Variants in CAPN14 observed in about 807,000 individuals in gnomAD.
The protein encoded by CAPN14 is calpain-14.
CAPN14 carries 94 observed loss-of-function variants against 101.3 expected under a neutral mutation model. The ratio of observed to expected loss-of-function variants is 0.93; its 90% CI spans 0.79 to 1.10. The LOEUF (loss-of-function observed/expected upper bound fraction) is 1.10. Ranked by LOEUF, CAPN14 falls within the 50% of genes least tolerant of loss-of-function variation. CAPN14 has a pLI of 0.00. For synonymous variants in CAPN14, 338 were observed against 317.9 expected (o/e 1.06, Z -0.67); for missense variants, 837 against 828.4 (o/e 1.01, Z -0.13).
rs1680571326 is a variant in CAPN14 at position 31,181,094 on chromosome 2, G to A, written c.1646-94C>T. Reference sequence around the variant, plus strand: ...AGAGGCAGTGCTGCATGGGCCAGCTGATGACCACCATGTATGTACGTGGGC... The same window carrying A: ...AGAGGCAGTGCTGCATGGGCCAGCTAATGACCACCATGTATGTACGTGGGC... On this transcript the variant is annotated intron_variant, in intron 16 of 21. Coordinates refer to ENST00000403897, the MANE Select transcript of CAPN14 (RefSeq NM_001145122.2). 10 of 934,298 alleles carry A rather than the reference G, an allele frequency of 1.1e-5. 1 individual carries two copies. The South Asian group carries it at 1.5e-4, about 14-fold the overall frequency. The allele number at this position is 934,298 out of a possible 1,614,324, so 57.9% of individuals were successfully genotyped here.
chr2:31,212,316 A>AC (rs1682442512), intron 1 of CAPN14, among the ~76,000 whole-genome samples: 1 of 140,454 alleles, frequency 7.1e-6, no homozygotes, highest in African/African-American at 2.6e-5. Context: ...TCAAAACAAA[A>AC]AAAAAAAAAA....
chr2:31,226,276 A>G (rs377012232), intron 2 of CAPN14, among the ~76,000 whole-genome samples: 1 of 152,130 alleles, frequency 6.6e-6, no homozygotes, highest in Admixed American at 6.5e-5. Flanking sequence ...TTCTGCCTTT[A>G]TCAGGTTCTC....
At chr2:31,213,811 T>C (rs1029271079) in intron 1 of CAPN14, among the ~76,000 whole-genome samples, 14 of 152,240 alleles carry the variant, frequency 9.2e-5, no homozygotes, top group Admixed American at 5.9e-4. Context: ...TGGGCAGTTT[T>C]CAGGTGGTTC....
At chr2:31,192,239 C>T in intron 10 of CAPN14, 141 bp from the exon 11 acceptor site, 1 of 997,116 alleles carries the variant, frequency 1.0e-6, no homozygotes, top group Non-Finnish European at 1.4e-6. Flanking sequence ...GTCGGGGTCC[C>T]TTCAACCTTG....
chr2:31,203,512 T>C (rs1028366858), intron 2 of CAPN14, among the ~76,000 whole-genome samples: 5 of 152,232 alleles, frequency 3.3e-5, no homozygotes, highest in Admixed American at 2.6e-4. Flanking sequence ...TTCTTATTCC[T>C]GACCCCTAAT....
rs1680157925 is a variant in CAPN14, at chr2:31,173,670, G to C, written c.*1011C>G. On this transcript the variant is annotated 3_prime_UTR_variant, in exon 22 of 22. Coordinates refer to ENST00000403897, the MANE Select transcript of CAPN14 (RefSeq NM_001145122.2). ...AAATTTTAGATTTTGGAGTATTTCA[G>C]ATTTGGGGTTTTCAGATTTGGGATG... is the stretch of plus-strand genomic sequence containing the variant. 6.6e-6 allele frequency: 1 copy of C among 152,110 alleles called. No individual in the cohort carries two copies. Among genetic ancestry groups the C allele is most frequent in the African/African-American group, 2.4e-5 (1 of 41,408 alleles). The allele number at this position is 152,110 out of a possible 1,614,324, so 9.4% of individuals were successfully genotyped here. A position where few individuals can be genotyped will look rare whatever the true frequency, so the allele number is the denominator to read the frequency against.
In CAPN14 at chr2:31,177,814, A is replaced by T. The variant is rs1343669579; in HGVS notation, c.1787T>A (p.Phe596Tyr). Residue 596 changes from phenylalanine (F) to tyrosine (Y), a missense_variant, in exon 19 of 22, where the codon TTC (phenylalanine) becomes TAC (tyrosine). Phe to Tyr is a conservative substitution (Grantham distance 22). Transcript: ENST00000403897. ...TCCTGACCCACGGTCTTGCTTGTGGAAAACCTTCTGCAAAGAACCAAATAA... is the reference window on the plus strand; with the variant it reads ...TCCTGACCCACGGTCTTGCTTGTGGTAAACCTTCTGCAAAGAACCAAATAA... ...WKQLKLSQKV[F>Y]HKQDRGSGYL... 41 of 1,551,740 alleles carry T rather than the reference A, an allele frequency of 2.6e-5. No homozygotes were observed. Among genetic ancestry groups the T allele is most frequent in the Non-Finnish European group, 3.5e-5 (40 of 1,146,978 alleles).
At chr2:31,202,466 G>A (rs558320332) in intron 3 of CAPN14, among the ~76,000 whole-genome samples, 2 of 152,194 alleles carry the variant, frequency 1.3e-5, no homozygotes, top group South Asian at 2.1e-4. Context: ...CCATGTTCCT[G>A]GGCCAGATTT....
In CAPN14 at chr2:31,177,050, T is replaced by G; in HGVS notation, c.1948A>C (p.Met650Leu). Residue 650 changes from methionine to leucine, a missense_variant, in exon 20 of 22, where the codon ATG (methionine) becomes CTG (leucine). Coordinates refer to ENST00000403897, the MANE Select transcript of CAPN14 (RefSeq NM_001145122.2). ...CCCTCCATGTTCTCTACACGCAGCA[T>G]CAAGTGGATGAAACTGACAAAGTCC... is the stretch of plus-strand genomic sequence containing the variant. Reference protein sequence around the residue: ...QMDFVSFIHLMLRVENMEDVF... With the variant: ...QMDFVSFIHLLLRVENMEDVF... 6.4e-7 allele frequency: 1 copy of G among 1,551,430 alleles called. No homozygotes were observed.
chr2:31,212,938 T>C lies in CAPN14; in HGVS notation c.-53+4518A>G, dbSNP rs577337302. On this transcript the variant is annotated intron_variant, in intron 1 of 21. Transcript: ENST00000403897. ...ACCCACTAAGTTGTCTCAGGCAAAA[T>C]TGTAGTAGAAACCTAGGCTCTTTGT... Among the ~76,000 whole-genome samples the C allele has an allele frequency of 5.9e-5, 9 of 152,306 alleles. 1 individual carries two copies. The highest frequency in any genetic ancestry group is 4.1e-4 in the South Asian group (2 of 4,824).
At chr2:31,179,060 CTATATATATA>C (rs60701103) in intron 17 of CAPN14, among the ~76,000 whole-genome samples, 5 of 69,202 alleles carry the variant, frequency 7.2e-5, no homozygotes, top group East Asian at 6.5e-4. Flanking sequence ...TTATTGAGTT[CTATATATATA>C]TATATATATA....
intron 1 of CAPN14, among the ~76,000 whole-genome samples, chr2:31,206,452 C>G (rs1464173725): frequency 6.6e-6 from 1 of 152,174 alleles, no homozygotes; most frequent in African/African-American, 2.4e-5. Context: ...GGGGTTTCGC[C>G]ATGTTGGCCA....
In CAPN14 at chr2:31,173,066, A is replaced by G. The variant is rs148360771; in HGVS notation, c.*1615T>C. 4.9e-4 allele frequency: 74 copies of G among 152,352 alleles called. No individual in the cohort carries two copies. The highest frequency in any genetic ancestry group is 1.8e-3 in the African/African-American group (73 of 41,588). The allele number at this position is 152,352 out of a possible 1,614,324, so 9.4% of individuals were successfully genotyped here. On this transcript the variant is annotated 3_prime_UTR_variant, in exon 22 of 22. Coordinates refer to ENST00000403897, the MANE Select transcript of CAPN14 (RefSeq NM_001145122.2). ...ATCTCCAAAACTGCCTTCAGGGGCC[A>G]AGGCAAAATTGGTTTATTAAAACAG...
At chr2:31,232,302 T>G (rs1015064958) in intron 1 of CAPN14, among the ~76,000 whole-genome samples, 5 of 152,170 alleles carry the variant, frequency 3.3e-5, no homozygotes, top group Non-Finnish European at 5.9e-5. Context: ...ATGTCCTCTT[T>G]TTTTTATCAC....
rs1680162148 is a variant in CAPN14 at position 31,173,798 on chromosome 2, T to A, written c.*883A>T. 6.6e-6 allele frequency: 1 copy of A among 152,140 alleles called. No homozygotes were observed. Among genetic ancestry groups the A allele is most frequent in the Admixed American group, 6.5e-5 (1 of 15,276 alleles). 9.4% of individuals were successfully genotyped at this position (152,140 alleles called of 1,614,324 possible). ...TCTGGTTTTGCACCTGTATTCTTGG[T>A]TGAGAGGGATGACATAAACAAGGTG... On this transcript the variant is annotated 3_prime_UTR_variant, in exon 22 of 22. Coordinates refer to ENST00000403897, the MANE Select transcript of CAPN14 (RefSeq NM_001145122.2).
Position 31,186,289 on chromosome 2 carries a change from C to T in CAPN14, c.1645+139G>A, listed in dbSNP as rs554740960. 1.3e-3 allele frequency: 649 copies of T among 483,730 alleles called. 3 individuals are homozygous for T. The highest frequency in any genetic ancestry group is 1.9e-3 in the Non-Finnish European group (530 of 274,394). The allele number at this position is 483,730 out of a possible 1,614,324, so 30.0% of individuals were successfully genotyped here. On this transcript the variant is annotated intron_variant, in intron 16 of 21. Coordinates refer to ENST00000403897, the MANE Select transcript of CAPN14 (RefSeq NM_001145122.2). Reference sequence around the variant, plus strand: ...TACTGCTTTTTCAGATCACATAATCCACCTTGTGTAAAATATAGCCAGAGT... The same window carrying T: ...TACTGCTTTTTCAGATCACATAATCTACCTTGTGTAAAATATAGCCAGAGT...
chr2:31,178,473 C>T, intron 18 of CAPN14, 38 bp downstream of exon 18: 1 of 1,493,858 alleles, frequency 6.7e-7, no homozygotes, highest in South Asian at 1.2e-5. Flanking sequence ...CATTCCTACA[C>T]CATCTTCCAA....
rs1680902311 is a variant in CAPN14 at position 31,186,428 on chromosome 2, T to C, written c.1645A>G (p.Ser549Gly). The C allele has an allele frequency of 1.1e-5, 17 of 1,548,808 alleles. No individual in the cohort carries two copies. Among genetic ancestry groups the C allele is most frequent in the Non-Finnish European group, 1.5e-5 (17 of 1,145,800 alleles). The change falls in exon 16 of 22, where the codon AGT (serine) becomes GGT (glycine). Residue 549 changes from serine (S) to glycine (G), a missense_variant and splice_region_variant. Ser to Gly is a moderately conservative substitution (Grantham distance 56). Transcript: ENST00000403897. Reference sequence around the variant, plus strand: ...TACAGAATGGCTCTAAAACACTTACTTGACCAGGTCATCTGGTTCAGGAGG... The same window carrying C: ...TACAGAATGGCTCTAAAACACTTACCTGACCAGGTCATCTGGTTCAGGAGG... ...QNLLNQMTWS[S>G]LGSRQPFFSL...
At chr2:31,221,922 A>C (rs1203483870), upstream of CAPN14, among the ~76,000 whole-genome samples, 2 of 152,152 alleles carry the variant, frequency 1.3e-5, no homozygotes, top group East Asian at 3.9e-4. Context: ...TAGCAGCCCC[A>C]ATTCCTGGGA....
Sources: allele counts gnomAD v4.1 joint callset (sites outside exome capture counted in the v4.1 genomes callset), GRCh38; gene constraint gnomAD v4.1.1; transcripts MANE v1.5; gene names NCBI Gene and HGNC (gene_info 2026-07-23, HGNC 2026-07-21).